TSPAN18: variants seen among roughly 807,000 people sequenced by gnomAD.
The protein encoded by TSPAN18 is tetraspanin 18.
In TSPAN18, 14 loss-of-function variants were observed where a neutral mutation model predicts 27.3. The ratio of observed to expected loss-of-function variants is 0.51; its 90% CI spans 0.34 to 0.80. TSPAN18 has a LOEUF of 0.80. TSPAN18 is among the 30% of genes least tolerant of loss of function. TSPAN18 has a pLI of 0.01. For missense variants in TSPAN18, 268 were observed against 323.9 expected (o/e 0.83, Z 1.32); for synonymous variants, 143 against 136.5 (o/e 1.05, Z -0.33).
chr11:44,864,180 G>T (rs1440880990), intron 3 of TSPAN18, among the ~76,000 whole-genome samples: 1 of 151,810 alleles, frequency 6.6e-6, no homozygotes, highest in Non-Finnish European at 1.5e-5. Flanking sequence ...CCAGCTACTT[G>T]GGAGGCTGAG....
chr11:44,744,692 T>A lies in TSPAN18; in HGVS notation c.-240+17405T>A, dbSNP rs571107082. Among the ~76,000 whole-genome samples the A allele has an allele frequency of 7.2e-5, 11 of 152,248 alleles. 1 individual carries two copies. In the South Asian group the frequency reaches 2.1e-3, roughly 29 times the overall value. ...TGCAGGGTTGGTGTGGGAAATAGAA[T>A]CAAATAAGCCGAAGAATGGGGTCAG... On this transcript the variant is annotated intron_variant, in intron 1 of 9. Transcript: ENST00000520358.
intron 2 of TSPAN18, among the ~76,000 whole-genome samples, chr11:44,851,906 T>A (rs1383555268): frequency 6.6e-6 from 1 of 152,144 alleles, no homozygotes; most frequent in African/African-American, 2.4e-5. Context: ...ACAACAGTGG[T>A]TCAGAACACT....
chr11:44,919,903 G>C lies in TSPAN18; in HGVS notation c.519G>C (p.Pro173=). Residue 173 remains proline (P), a synonymous_variant, in exon 8 of 10, where the codon CCG becomes CCC. Transcript: ENST00000520358. ...RLLTLDSEEV[P]EACCRREPQS... is the part of the protein sequence containing the mutation. ...TGACCCTGGATAGTGAAGAGGTGCC[G>C]GAGGCCTGCTGCCGGAGGGAACCCC... is the stretch of plus-strand genomic sequence containing the variant. 1.2e-6 allele frequency: 2 copies of C among 1,614,196 alleles called. No individual in the cohort carries two copies. The highest frequency in any genetic ancestry group is 8.5e-7 in the Non-Finnish European group (1 of 1,180,038).
At chr11:44,743,306 G>A (rs1285040952) in intron 1 of TSPAN18, among the ~76,000 whole-genome samples, 1 of 152,198 alleles carries the variant, frequency 6.6e-6, no homozygotes, top group Non-Finnish European at 1.5e-5. Context: ...TGTCTTTGGG[G>A]TGAAGAGCAG....
In TSPAN18 at chr11:44,841,604, A is replaced by G. The variant is rs75110814; in HGVS notation, c.-152-18724A>G. ...TAAGAAAGGCTGCCTTACTTACAGT[A>G]GTCAGGAAAGGCCTTTATGGAGGGG... On this transcript the variant is annotated intron_variant, in intron 2 of 9. Coordinates refer to ENST00000520358, the MANE Select transcript of TSPAN18 (RefSeq NM_130783.5). 8.1e-3 allele frequency among the ~76,000 whole-genome samples: 1,230 copies of G among 152,238 alleles called. 14 individuals carry two copies. The highest frequency in any genetic ancestry group is 0.011 in the Non-Finnish European group (752 of 68,024).
intron 2 of TSPAN18, among the ~76,000 whole-genome samples, chr11:44,840,218 CTGTT>C (rs1296722364): frequency 2.6e-5 from 4 of 152,186 alleles, no homozygotes; most frequent in Non-Finnish European, 5.9e-5. Flanking sequence ...CTTAAGGAGA[CTGTT>C]TGGCGAGGGC....
chr11:44,854,297 G>T (rs537876777), intron 2 of TSPAN18, among the ~76,000 whole-genome samples: 6 of 151,350 alleles, frequency 4.0e-5, no homozygotes, highest in South Asian at 2.1e-4. Context: ...TGAGCACTTT[G>T]TTCCCCAGCC....
At chr11:44,833,951 G>C (rs1310044717) in intron 2 of TSPAN18, among the ~76,000 whole-genome samples, 1 of 151,560 alleles carries the variant, frequency 6.6e-6, no homozygotes, top group Admixed American at 6.6e-5. Context: ...CTGCTGGGCA[G>C]GTAAATAACA....
chr11:44,893,738 T>C (rs1284436997), intron 3 of TSPAN18, among the ~76,000 whole-genome samples: 4 of 152,226 alleles, frequency 2.6e-5, no homozygotes, highest in Non-Finnish European at 5.9e-5. Context: ...TCGTCTACTT[T>C]GTAGAGCTTT....
At chr11:44,870,718 C>T (rs1029742249) in intron 3 of TSPAN18, among the ~76,000 whole-genome samples, 2 of 152,188 alleles carry the variant, frequency 1.3e-5, no homozygotes, top group African/African-American at 2.4e-5. Flanking sequence ...CACTTACCCA[C>T]AGTCACACAG....
intron 2 of TSPAN18, among the ~76,000 whole-genome samples, chr11:44,779,594 T>A (rs893258438): frequency 6.6e-6 from 1 of 152,172 alleles, no homozygotes; most frequent in Admixed American, 6.5e-5. Flanking sequence ...CTTCTACTGC[T>A]AATGGGTACA....
At chr11:44,736,246 GT>G (rs1565126766) in intron 1 of TSPAN18, 1 of 152,178 alleles carries the variant, frequency 6.6e-6, no homozygotes, top group Non-Finnish European at 1.5e-5. Context: ...GCAGCTAAGT[GT>G]TTGCCAGTCG....
chr11:44,882,587 G>GAGAGACACACACACACACAC (rs1554997009), intron 3 of TSPAN18, among the ~76,000 whole-genome samples: 1 of 130,770 alleles, frequency 7.6e-6, no homozygotes. Flanking sequence ...CAGAGAGAGA[G>GAGAGACACACACACACACAC]ACACACACAC....
chr11:44,767,959 A>G (rs1384954512), intron 2 of TSPAN18, among the ~76,000 whole-genome samples: 3 of 152,304 alleles, frequency 2.0e-5, no homozygotes, highest in East Asian at 3.9e-4. Flanking sequence ...CCAATAATCT[A>G]TTTGTCTGTA....
At position 44,865,370 on chromosome 11, in the gene TSPAN18, C is replaced by T. The variant is rs544259275; in HGVS notation, c.-11+4901C>T. On this transcript the variant is annotated intron_variant, in intron 3 of 9. Transcript: ENST00000520358. ...AATGAGTGTTAAAACAGTTGCAGAGCTCTGGGCACGTGGTAAATGCTCAAG... is the reference window on the plus strand; with the variant it reads ...AATGAGTGTTAAAACAGTTGCAGAGTTCTGGGCACGTGGTAAATGCTCAAG... Among the ~76,000 whole-genome samples, 5 of 152,302 alleles carry T rather than the reference C, an allele frequency of 3.3e-5. No individual in the cohort carries two copies. The South Asian group carries it at 1.0e-3, about 32-fold the overall frequency.
At chr11:44,878,058 C>G (rs1360767880) in intron 3 of TSPAN18, among the ~76,000 whole-genome samples, 1 of 152,044 alleles carries the variant, frequency 6.6e-6, no homozygotes, top group Admixed American at 6.5e-5. Context: ...ATTAAGACGT[C>G]ATCTGGCAAA....
At chr11:44,869,791 G>A (rs1205075053) in intron 3 of TSPAN18, among the ~76,000 whole-genome samples, 2 of 152,202 alleles carry the variant, frequency 1.3e-5, no homozygotes, top group African/African-American at 2.4e-5. Context: ...CCCTCACACA[G>A]TCCCCTCCCA....
chr11:44,807,596 ATG>A (rs1375443819), intron 2 of TSPAN18, among the ~76,000 whole-genome samples: 5 of 151,954 alleles, frequency 3.3e-5, no homozygotes, highest in Non-Finnish European at 5.9e-5. Flanking sequence ...AGAAGGTAAA[ATG>A]AGTGAATGAA....
intron 3 of TSPAN18, among the ~76,000 whole-genome samples, chr11:44,863,625 G>A (rs563497813): frequency 6.6e-6 from 1 of 152,270 alleles, no homozygotes; most frequent in East Asian, 1.9e-4. Flanking sequence ...CTGGAAGTTG[G>A]GAGACTTGGG....
Sources: gnomAD v4.1 joint callset for allele counts (sites outside exome capture counted in the v4.1 genomes callset) on GRCh38, gnomAD v4.1.1 for gene constraint, MANE v1.5 for transcripts, NCBI Gene and HGNC (gene_info 2026-07-23, HGNC 2026-07-21) for gene names.